The following B3GLCT variants were observed in gnomAD, a reference collection of about 807,000 sequenced individuals.
The protein encoded by B3GLCT is beta-1,3-glucosyltransferase.
A neutral mutation model predicts 63.4 loss-of-function variants in B3GLCT; 65 were observed. The observed-to-expected ratio is 1.03, with a 90% CI of 0.84 to 1.26. B3GLCT has a LOEUF of 1.26. Among genes scored for constraint, B3GLCT ranks in the 50% most tolerant of loss-of-function variants. The pLI, the probability that B3GLCT is intolerant of heterozygous loss-of-function variation, is 0.00. For synonymous variants in B3GLCT, 233 were observed against 219.2 expected (o/e 1.06, Z -0.55); for missense variants, 577 against 604.8 (o/e 0.95, Z 0.48).
At chr13:31,211,044 C>T (rs765809149) in intron 1 of B3GLCT, among the ~76,000 whole-genome samples, 1 of 152,142 alleles carries the variant, frequency 6.6e-6, no homozygotes, top group African/African-American at 2.4e-5. Context: ...CGTCCGGCCA[C>T]GTTTGGTTCC....
At position 31,265,333 on chromosome 13, in the gene B3GLCT, T is replaced by A. The variant is rs951678586; in HGVS notation, c.597-3881T>A. Among the ~76,000 whole-genome samples, 4 of 152,128 alleles carry A rather than the reference T, an allele frequency of 2.6e-5. 1 individual carries two copies. Among genetic ancestry groups the A allele is most frequent in the Non-Finnish European group, 5.9e-5 (4 of 68,024 alleles). On this transcript the variant is annotated intron_variant, in intron 7 of 14. Coordinates refer to ENST00000343307, the MANE Select transcript of B3GLCT (RefSeq NM_194318.4). ...GGCTCAATATTAATCAAAACCAGAATTTGTTTAGAAAGAATGAAGGGGAAA... is the reference window on the plus strand; with the variant it reads ...GGCTCAATATTAATCAAAACCAGAAATTGTTTAGAAAGAATGAAGGGGAAA...
At chr13:31,213,616 A>ACCCCCCCCCC (rs1243633056) in intron 1 of B3GLCT, among the ~76,000 whole-genome samples, 5 of 56,862 alleles carry the variant, frequency 8.8e-5, no homozygotes, top group African/African-American at 2.2e-4. Flanking sequence ...ACACCCCCCC[A>ACCCCCCCCCC]CCCCACCCCC....
At chr13:31,223,233 C>G (rs1450151881) in intron 3 of B3GLCT, among the ~76,000 whole-genome samples, 4 of 152,106 alleles carry the variant, frequency 2.6e-5, no homozygotes, top group African/African-American at 7.2e-5. Context: ...GATTTAATTC[C>G]CTCTGGCATC....
At chr13:31,223,988 GATA>G (rs1869964499) in intron 3 of B3GLCT, among the ~76,000 whole-genome samples, 1 of 152,186 alleles carries the variant, frequency 6.6e-6, no homozygotes, top group Non-Finnish European at 1.5e-5. Context: ...GCGAGCTCTA[GATA>G]AGAGGGAAAA....
intron 14 of B3GLCT, among the ~76,000 whole-genome samples, chr13:31,327,467 C>A (rs1875691365): frequency 6.6e-6 from 1 of 152,220 alleles, no homozygotes; most frequent in South Asian, 2.1e-4. Flanking sequence ...GGGCCCGCAA[C>A]TTAAAACTTA....
chr13:31,269,176 T>G, intron 7 of B3GLCT, 38 bp from the exon 8 acceptor site: 1 of 1,444,670 alleles, frequency 6.9e-7, no homozygotes, highest in East Asian at 2.3e-5. Context: ...TTGACACTTC[T>G]TTTGGTTAAA....
intron 4 of B3GLCT, among the ~76,000 whole-genome samples, chr13:31,239,655 T>A (rs1291872534): frequency 1.3e-5 from 2 of 151,704 alleles, no homozygotes; most frequent in Non-Finnish European, 2.9e-5. Flanking sequence ...CTTGAATTTA[T>A]GTTGTGATGG....
chr13:31,322,693 A>G (rs981107120), intron 13 of B3GLCT, among the ~76,000 whole-genome samples: 9 of 152,182 alleles, frequency 5.9e-5, no homozygotes, highest in Non-Finnish European at 1.2e-4. Flanking sequence ...CTCACGTTTC[A>G]TCTTCCTATA....
intron 13 of B3GLCT, among the ~76,000 whole-genome samples, chr13:31,320,615 A>G (rs1372391935): frequency 6.6e-6 from 1 of 152,246 alleles, no homozygotes; most frequent in African/African-American, 2.4e-5. Flanking sequence ...ATCTTCTGAT[A>G]TCCTAACTGG....
At chr13:31,294,515 CTT>C (rs1873835643) in intron 12 of B3GLCT, among the ~76,000 whole-genome samples, 1 of 152,032 alleles carries the variant, frequency 6.6e-6, no homozygotes, top group African/African-American at 2.4e-5. Flanking sequence ...ATTTTTCATT[CTT>C]TTTTCTCTAA....
At chr13:31,251,433 A>T (rs1871422476) in intron 6 of B3GLCT, among the ~76,000 whole-genome samples, 2 of 152,194 alleles carry the variant, frequency 1.3e-5, no homozygotes, top group Non-Finnish European at 2.9e-5. Flanking sequence ...CTAAAGGAGC[A>T]TGTTCTAACC....
At chr13:31,273,497 A>G (rs927825583) in intron 8 of B3GLCT, among the ~76,000 whole-genome samples, 9 of 144,140 alleles carry the variant, frequency 6.2e-5, no homozygotes, top group East Asian at 2.1e-4. Flanking sequence ...TATATTAAGC[A>G]TAGTAATTTT....
intron 4 of B3GLCT, among the ~76,000 whole-genome samples, chr13:31,243,926 A>G (rs1365631253): frequency 1.3e-5 from 2 of 152,184 alleles, no homozygotes; most frequent in African/African-American, 4.8e-5. Context: ...TCATTTATCC[A>G]TATTTGATCA....
intron 10 of B3GLCT, among the ~76,000 whole-genome samples, chr13:31,281,857 T>G (rs1873085119): frequency 6.6e-6 from 1 of 152,230 alleles, no homozygotes; most frequent in Non-Finnish European, 1.5e-5. Context: ...TCATTTTCAT[T>G]TATAATCTGA....
At chr13:31,270,970 A>G (rs1176907927) in intron 8 of B3GLCT, among the ~76,000 whole-genome samples, 1 of 152,216 alleles carries the variant, frequency 6.6e-6, no homozygotes, top group Non-Finnish European at 1.5e-5. Context: ...TCCACCTCAT[A>G]AAATGAATAC....
chr13:31,301,771 G>A (rs1176380253), intron 12 of B3GLCT, among the ~76,000 whole-genome samples: 3 of 152,146 alleles, frequency 2.0e-5, no homozygotes, highest in African/African-American at 7.2e-5. Flanking sequence ...TCCAAACTGG[G>A]GGAAATGCAG....
At chr13:31,295,704 G>C (rs1873901577) in intron 12 of B3GLCT, among the ~76,000 whole-genome samples, 1 of 152,212 alleles carries the variant, frequency 6.6e-6, no homozygotes, top group Non-Finnish European at 1.5e-5. Context: ...TCAGACTGCT[G>C]TGCTGGCAGC....
rs1593318573 is a variant in B3GLCT at position 31,317,683 on chromosome 13, A to G, written c.1182A>G (p.Gly394=). ...GCTACAGCTACATCACGGGAGGAGGAGGGTAACTATGATCACAGCTTTCTT... is the reference window on the plus strand; with the variant it reads ...GCTACAGCTACATCACGGGAGGAGGGGGGTAACTATGATCACAGCTTTCTT... ...TGGYSYITGG[G]GMVFSREAVR... Residue 394 remains glycine (G), a splice_region_variant and synonymous_variant, in exon 13 of 15, where the codon GGA becomes GGG. Coordinates refer to ENST00000343307, the MANE Select transcript of B3GLCT (RefSeq NM_194318.4). 1 of 1,613,890 alleles carries G rather than the reference A, an allele frequency of 6.2e-7. No individual in the cohort carries two copies. The highest frequency in any genetic ancestry group is 2.2e-5 in the East Asian group (1 of 44,862).
chr13:31,296,389 A>G (rs1331892689), intron 12 of B3GLCT, among the ~76,000 whole-genome samples: 2 of 152,208 alleles, frequency 1.3e-5, no homozygotes, highest in Admixed American at 6.5e-5. Context: ...CTTGGGTTGC[A>G]GGCTGCTGAC....
Sources: allele counts gnomAD v4.1 joint callset (sites outside exome capture counted in the v4.1 genomes callset), GRCh38; gene constraint gnomAD v4.1.1; transcripts MANE v1.5; gene names NCBI Gene and HGNC (gene_info 2026-07-23, HGNC 2026-07-21).